The following CCDC141 variants were observed in gnomAD, a reference collection of about 807,000 sequenced individuals.
CCDC141 encodes coiled-coil domain containing 141, also known as coiled-coil domain-containing protein 141.
CCDC141 carries 168 observed loss-of-function variants against 181.0 expected under a neutral mutation model. That is an observed-to-expected ratio of 0.93 (90% CI 0.82 to 1.05). The LOEUF is 1.05. Among genes scored for constraint, CCDC141 ranks in the 50% least tolerant of loss-of-function variants. The pLI is 0.00. For missense variants in CCDC141, 1,902 were observed against 1,788.5 expected, an observed-to-expected ratio of 1.06 and a Z score of -1.14; for synonymous variants, 666 against 642.3, an observed-to-expected ratio of 1.04 and a Z score of -0.56.
In CCDC141 at chr2:178,834,228, G is replaced by A. The variant is rs1184789990; in HGVS notation, c.4538C>T (p.Thr1513Ile). ...CACACTAACATAGACGACACACAGG[G>A]TTATCCAGTTTACTCTTGTGATTGG... The part of the protein sequence containing the change: ...RLPITRVNWI[T>I]LCVVYVSVSL... The change falls in exon 24 of 24, where the codon ACC becomes ATC. Residue 1513 changes from threonine to isoleucine, a missense_variant. Physicochemically the swap from Thr to Ile is moderately conservative, Grantham distance 89. Coordinates refer to ENST00000443758, the MANE Select transcript of CCDC141 (RefSeq NM_173648.4). The A allele has an allele frequency of 6.5e-7, 1 of 1,536,256 alleles. No homozygotes were observed. The highest frequency in any genetic ancestry group is 2.0e-5 in the Admixed American group (1 of 50,968).
In CCDC141 at chr2:178,833,449, T is replaced by A. The variant is rs762031186; in HGVS notation, c.*724A>T. On this transcript the variant is annotated 3_prime_UTR_variant, in exon 24 of 24. Transcript: ENST00000443758. ...GAAACACCTGGTTACACATTGCTGC[T>A]CAAAACACATCAATAGAATGTCAGG... 6.6e-6 allele frequency: 1 copy of A among 152,240 alleles called. No homozygotes were observed. Among genetic ancestry groups the A allele is most frequent in the Non-Finnish European group, 1.5e-5 (1 of 68,044 alleles). 9.4% of individuals were successfully genotyped at this position (152,240 alleles called of 1,614,324 possible). A position where few individuals can be genotyped will look rare whatever the true frequency, so the allele number is the denominator to read the frequency against.
intron 2 of CCDC141, among the ~76,000 whole-genome samples, chr2:179,026,531 G>A (rs1575363427): frequency 6.6e-6 from 1 of 152,244 alleles, no homozygotes; most frequent in Non-Finnish European, 1.5e-5. Context: ...TGCTGCAGGG[G>A]TAGGGCTCTC....
chr2:179,040,853 A>G (rs1040636605), intron 2 of CCDC141, among the ~76,000 whole-genome samples: 2 of 152,306 alleles, frequency 1.3e-5, no homozygotes, highest in South Asian at 4.1e-4. Flanking sequence ...ATACTCATGC[A>G]TATAACTTTA....
chr2:178,868,289 G>T (rs759130491), intron 15 of CCDC141, 84 bp from the exon 16 acceptor site: 3 of 1,185,516 alleles, frequency 2.5e-6, no homozygotes, highest in Non-Finnish European at 2.4e-6. Context: ...AGCACATTTT[G>T]CTAGCTGGTC....
At chr2:179,007,639 AT>A (rs892635088) in intron 2 of CCDC141, among the ~76,000 whole-genome samples, 3 of 152,058 alleles carry the variant, frequency 2.0e-5, no homozygotes, top group African/African-American at 4.8e-5. Flanking sequence ...GAAACAAATA[AT>A]TTTTTTAAAA....
intron 12 of CCDC141, chr2:178,877,313 A>C (rs1025515513): frequency 6.6e-6 from 1 of 152,208 alleles, no homozygotes; most frequent in African/African-American, 2.4e-5. Flanking sequence ...GTAGATACGG[A>C]AACAGATATA....
intron 11 of CCDC141, among the ~76,000 whole-genome samples, chr2:178,879,031 C>G (rs777779051): frequency 4.6e-5 from 7 of 152,178 alleles, no homozygotes; most frequent in Non-Finnish European, 1.0e-4. Context: ...CCTTCAAGAG[C>G]TAATCTCTTA....
intron 16 of CCDC141, 94 bp downstream of exon 16, chr2:178,867,932 A>T: frequency 1.0e-6 from 1 of 968,812 alleles, no homozygotes; most frequent in Non-Finnish European, 1.5e-6. Context: ...TTTTAAATTT[A>T]ACATATACTA....
intron 4 of CCDC141, among the ~76,000 whole-genome samples, chr2:178,970,435 G>A (rs1690833371): frequency 1.3e-5 from 2 of 152,000 alleles, no homozygotes; most frequent in African/African-American, 4.8e-5. Flanking sequence ...ATAGACCAAT[G>A]GAACAGAACA....
downstream of CCDC141, among the ~76,000 whole-genome samples, chr2:178,827,001 C>T (rs11885885): frequency 5.9e-5 from 9 of 151,912 alleles, no homozygotes; most frequent in East Asian, 1.7e-3. Context: ...TAATGCTATA[C>T]ATTTTCCTCT....
intron 4 of CCDC141, among the ~76,000 whole-genome samples, chr2:178,965,759 C>T (rs1396831371): frequency 2.0e-5 from 3 of 152,150 alleles, no homozygotes; most frequent in Non-Finnish European, 2.9e-5. Flanking sequence ...GGAACACCAG[C>T]GAGACAAAAC....
At position 179,050,114 on chromosome 2, in the gene CCDC141, G is replaced by A. The variant is rs1047779780; in HGVS notation, c.-173C>T. 3.1e-6 allele frequency: 3 copies of A among 977,378 alleles called. No individual in the cohort carries two copies. Among genetic ancestry groups the A allele is most frequent in the South Asian group, 2.1e-5 (1 of 47,194 alleles). 60.5% of individuals were successfully genotyped at this position (977,378 alleles called of 1,614,324 possible). On this transcript the variant is annotated 5_prime_UTR_variant, in exon 1 of 24. Coordinates refer to ENST00000443758, the MANE Select transcript of CCDC141 (RefSeq NM_173648.4). ...GGTTAAAAATAGACAACCCCATTGA[G>A]TTTATCGTGAGAGAGAAAGGAGCGA...
intron 6 of CCDC141, among the ~76,000 whole-genome samples, chr2:178,932,153 G>C (rs987128879): frequency 1.3e-5 from 2 of 152,092 alleles, no homozygotes; most frequent in African/African-American, 2.4e-5. Flanking sequence ...GTGAGACGCA[G>C]TCTCAAAAAA....
chr2:178,968,578 A>G (rs1690738156), intron 4 of CCDC141, among the ~76,000 whole-genome samples: 1 of 152,190 alleles, frequency 6.6e-6, no homozygotes, highest in Non-Finnish European at 1.5e-5. Flanking sequence ...TCTGGGACAC[A>G]TTTAAAGCAG....
At chr2:178,952,101 T>C (rs1030620496) in intron 5 of CCDC141, among the ~76,000 whole-genome samples, 9 of 152,246 alleles carry the variant, frequency 5.9e-5, no homozygotes, top group Non-Finnish European at 1.2e-4. Context: ...ATCTTGCAGC[T>C]AAAACTGATC....
At chr2:179,005,530 A>AC (rs2042100186) in intron 2 of CCDC141, among the ~76,000 whole-genome samples, 1 of 152,220 alleles carries the variant, frequency 6.6e-6, no homozygotes, top group Non-Finnish European at 1.5e-5. Flanking sequence ...CATTATAAAC[A>AC]ATCTTTTTAC....
rs1684287194 is a variant in CCDC141, at chr2:178,832,464, T to TC, written c.*1708dup. ...CTGGGCAAGAGAGCAAGACTCTTTC[T>TC]CAAAAAAAAAAAAAAAAAACAAAAA... On this transcript the variant is annotated 3_prime_UTR_variant, in exon 24 of 24. Transcript: ENST00000443758. 1 of 42,088 alleles carries TC rather than the reference T, an allele frequency of 2.4e-5. No individual in the cohort carries two copies. Among genetic ancestry groups the TC allele is most frequent in the Non-Finnish European group, 5.5e-5 (1 of 18,252 alleles). The allele number at this position is 42,088 out of a possible 1,614,324, so 2.6% of individuals were successfully genotyped here. A position where few individuals can be genotyped will look rare whatever the true frequency, so the allele number is the denominator to read the frequency against.
intron 15 of CCDC141, 43 bp downstream of exon 15, chr2:178,869,074 G>C: frequency 7.2e-7 from 1 of 1,389,736 alleles, no homozygotes; most frequent in Non-Finnish European, 9.6e-7. Context: ...TAATTGCATA[G>C]TTTAAAACTC....
intron 6 of CCDC141, among the ~76,000 whole-genome samples, chr2:178,941,778 C>T (rs1243700110): frequency 1.4e-5 from 2 of 147,302 alleles, no homozygotes; most frequent in Non-Finnish European, 3.0e-5. Context: ...CATAGCAAGA[C>T]CCCGTCTCTA....
Sources: allele counts gnomAD v4.1 joint callset (sites outside exome capture counted in the v4.1 genomes callset), GRCh38; gene constraint gnomAD v4.1.1; transcripts MANE v1.5; gene names NCBI Gene and HGNC (gene_info 2026-07-23, HGNC 2026-07-21).